CHRNE: variants seen among roughly 807,000 people sequenced by gnomAD.
CHRNE encodes cholinergic receptor nicotinic epsilon subunit.
Under a neutral mutation model 56.5 loss-of-function variants are expected in CHRNE, and 58 were observed. That is an observed-to-expected ratio of 1.03 (90% CI 0.83 to 1.28). The LOEUF (loss-of-function observed/expected upper bound fraction) is 1.28, where lower values mean the gene tolerates loss of function less well. Among genes scored for constraint, CHRNE ranks in the 50% most tolerant of loss-of-function variants. CHRNE has a pLI of 0.00. For synonymous variants in CHRNE, 385 were observed against 297.9 expected (o/e 1.29, Z -3.01); for missense variants, 793 against 688.9 (o/e 1.15, Z -1.69).
At position 4,900,233 on chromosome 17, in the gene CHRNE, G is replaced by A. The variant is rs1048138459; in HGVS notation, c.917+560C>T. On this transcript the variant is annotated intron_variant, in intron 8 of 11. Coordinates refer to ENST00000649488, the MANE Select transcript of CHRNE (RefSeq NM_000080.4). ...CCCCGCTAACCCCTGTGCCCCCAAT[G>A]CAGATCTCAGCCCTGTGGCTGCAGC... 47 of 1,547,140 alleles carry A rather than the reference G, an allele frequency of 3.0e-5. No homozygotes were observed. In the African/African-American group the frequency reaches 5.1e-4, roughly 17 times the overall value.
rs764599384 is a variant in CHRNE at position 4,901,195 on chromosome 17, G to C, written c.602-5C>G. The stretch of plus-strand genomic sequence containing the variant: ...CGATGGCCCACTCGCCGTTCTCTGC[G>C]GGACGGGGGCACGGTCAGCTGGCTG... On this transcript the variant is annotated splice_region_variant and splice_polypyrimidine_tract_variant and intron_variant, in intron 6 of 11. Coordinates refer to ENST00000649488, the MANE Select transcript of CHRNE (RefSeq NM_000080.4). 2 of 1,601,056 alleles carry C rather than the reference G, an allele frequency of 1.2e-6. No homozygotes were observed. The highest frequency in any genetic ancestry group is 3.3e-5 in the Admixed American group (2 of 59,900).
chr17:4,904,301 G>T (rs1183571529), upstream of CHRNE, among the ~76,000 whole-genome samples: 1 of 152,038 alleles, frequency 6.6e-6, no homozygotes, highest in Non-Finnish European at 1.5e-5. Context: ...GGGCTAAAGC[G>T]ATCCTCCTGC....
intron 5 of CHRNE, 137 bp downstream of exon 5, chr17:4,901,795 C>T (rs1369601040): frequency 1.5e-6 from 2 of 1,353,776 alleles, no homozygotes; most frequent in African/African-American, 1.4e-5. Context: ...CGCGCTGGAG[C>T]GTCCCACCCA....
chr17:4,900,511 G>C (rs904418775), intron 8 of CHRNE: 2 of 1,550,898 alleles, frequency 1.3e-6, no homozygotes, highest in Non-Finnish European at 8.7e-7. Flanking sequence ...GAACCGGTGA[G>C]CTCAGGACAC....
At chr17:4,899,157 G>A (rs1474114974) in intron 10 of CHRNE, 41 bp downstream of exon 10, 2 of 1,593,014 alleles carry the variant, frequency 1.3e-6, no homozygotes, top group Non-Finnish European at 8.5e-7. Flanking sequence ...CCCCTGGCAG[G>A]CACCCCGCGC....
upstream of CHRNE, among the ~76,000 whole-genome samples, chr17:4,906,707 T>A (rs535356482): frequency 3.7e-4 from 56 of 151,640 alleles, 1 homozygote; most frequent in South Asian, 0.012. Flanking sequence ...AATAAAATTT[T>A]AAAAAACAGA....
At position 4,898,567 on chromosome 17, in the gene CHRNE, C is replaced by T. The variant is rs1597611978; in HGVS notation, c.*169G>A. 12 of 872,122 alleles carry T rather than the reference C, an allele frequency of 1.4e-5. No individual in the cohort carries two copies. The highest frequency in any genetic ancestry group is 5.3e-5 in the East Asian group (2 of 37,466). 54.0% of individuals were successfully genotyped at this position (872,122 alleles called of 1,614,324 possible). On this transcript the variant is annotated 3_prime_UTR_variant, in exon 12 of 12. Transcript: ENST00000649488. ...TTTCCTCCTGCTGACCCCTGGACTG[C>T]GGCCAGGCCTACACACGCCAGGGAA...
At chr17:4,901,481 ACC>A (rs1331720309) in intron 6 of CHRNE, 42 bp downstream of exon 6, 46 of 1,578,328 alleles carry the variant, frequency 2.9e-5, no homozygotes, top group Non-Finnish European at 3.7e-5. Context: ...CCCTCTCTGG[ACC>A]CCGTCTAGAA....
rs1255594434 is a variant in CHRNE, at chr17:4,898,457, T to G, written c.*279A>C. On this transcript the variant is annotated 3_prime_UTR_variant, in exon 12 of 12. Coordinates refer to ENST00000649488, the MANE Select transcript of CHRNE (RefSeq NM_000080.4). ...ACCAGAGTCCCGTGGGGCTGAGCCT[T>G]AGAAAGGCTGGGAGGTCAGCAAGGC... The G allele has an allele frequency of 5.7e-6, 3 of 522,354 alleles. No homozygotes were observed. Among genetic ancestry groups the G allele is most frequent in the African/African-American group, 1.9e-5 (1 of 52,230 alleles). 32.4% of individuals were successfully genotyped at this position (522,354 alleles called of 1,614,324 possible).
In CHRNE at chr17:4,898,732, C is replaced by A. The variant is rs765189193; in HGVS notation, c.*4G>T. The A allele has an allele frequency of 2.5e-6, 4 of 1,608,666 alleles. No individual in the cohort carries two copies. The highest frequency in any genetic ancestry group is 3.4e-6 in the Non-Finnish European group (4 of 1,177,882). On this transcript the variant is annotated 3_prime_UTR_variant, in exon 12 of 12. Coordinates refer to ENST00000649488, the MANE Select transcript of CHRNE (RefSeq NM_000080.4). ...GATGGGTGGGAAATTGAAGTCGGTG[C>A]GAGCTAAGGCTGGATACACGGCGCG...
upstream of CHRNE, among the ~76,000 whole-genome samples, chr17:4,906,520 G>C (rs1970094187): frequency 6.6e-6 from 1 of 151,970 alleles, no homozygotes; most frequent in South Asian, 2.1e-4. Flanking sequence ...TCAAAAAGAG[G>C]GCAGAAGATT....
Position 4,898,811 on chromosome 17 carries a change from GC to G in CHRNE, c.1406del (p.Gly469AlafsTer38). 1 of 1,605,060 alleles carries G rather than the reference GC, an allele frequency of 6.2e-7. No individual in the cohort carries two copies. The highest frequency in any genetic ancestry group is 8.5e-7 in the Non-Finnish European group (1 of 1,176,454). ...AGGCCCCGAGGAAGATGAGGCTGGA[GC>G]CCACGCTGAAGAGCACCAGAGCGGC... ...FWAALVLFSV[G>X]SSLIFLGAYF... On this transcript the variant is annotated frameshift_variant, in exon 12 of 12. Coordinates refer to ENST00000649488, the MANE Select transcript of CHRNE (RefSeq NM_000080.4). LOFTEE classifies it high-confidence loss of function.
Position 4,902,964 on chromosome 17 carries a change from C to G in CHRNE, c.46+54G>C. On this transcript the variant is annotated intron_variant, in intron 1 of 11. Transcript: ENST00000649488. This position sits in a 1 kb window ranked among gnomAD's most constrained non-coding sequence, Gnocchi z 4.0. ...GGTCTCTGTCTTTGTCTTCCCAGTCCCTTCATGTCAGTATCTGTGTGTGTC... is the reference window on the plus strand; with the variant it reads ...GGTCTCTGTCTTTGTCTTCCCAGTCGCTTCATGTCAGTATCTGTGTGTGTC... The G allele has an allele frequency of 6.2e-7, 1 of 1,609,480 alleles. No homozygotes were observed. Among genetic ancestry groups the G allele is most frequent in the Non-Finnish European group, 8.5e-7 (1 of 1,175,946 alleles).
Position 4,900,920 on chromosome 17 carries a change from C to G in CHRNE, c.803-13G>C. 1 of 1,614,116 alleles carries G rather than the reference C, an allele frequency of 6.2e-7. No individual in the cohort carries two copies. Among genetic ancestry groups the G allele is most frequent in the Non-Finnish European group, 8.5e-7 (1 of 1,179,974 alleles). ...TTCTGGCCGCCGGCTGGAGGGAGAG[C>G]CAGTGAGAGCGGGCCCCGCCTCCCG... On this transcript the variant is annotated splice_polypyrimidine_tract_variant and intron_variant, in intron 7 of 11. Transcript: ENST00000649488.
chr17:4,899,621 C>T (rs1969888085), intron 8 of CHRNE, 39 bp from the exon 9 acceptor site: 2 of 1,501,968 alleles, frequency 1.3e-6, no homozygotes, highest in African/African-American at 2.8e-5. Flanking sequence ...CGTTCCTCCT[C>T]CCAGCTACCG....
rs1969973804 is a variant in CHRNE, at chr17:4,901,190, T to G, written c.602A>C (p.Glu201Ala). 6.2e-7 allele frequency: 1 copy of G among 1,602,158 alleles called. No homozygotes were observed. The highest frequency in any genetic ancestry group is 8.5e-7 in the Non-Finnish European group (1 of 1,178,154). Residue 201 changes from glutamate to alanine, a missense_variant and splice_region_variant, in exon 7 of 12, where the codon GAG becomes GCG. Glu to Ala is a moderately radical substitution (Grantham distance 107). Coordinates refer to ENST00000649488, the MANE Select transcript of CHRNE (RefSeq NM_000080.4). The stretch of plus-strand genomic sequence containing the variant: ...GAAGTCGATGGCCCACTCGCCGTTC[T>G]CTGCGGGACGGGGGCACGGTCAGCT... The part of the protein sequence containing the change: ...KIDIDTEAYT[E>A]NGEWAIDFCP...
rs753951775 is a variant in CHRNE at position 4,901,043 on chromosome 17, G to C, written c.749C>G (p.Pro250Arg). ...PLFYVINIIV[P>R]CVLISGLVLL... Reference sequence around the variant, plus strand: ...CACCAGGCCCGAGATGAGCACACAGGGCACGATGATGTTAATGACGTAGAA... The same window carrying C: ...CACCAGGCCCGAGATGAGCACACAGCGCACGATGATGTTAATGACGTAGAA... Residue 250 changes from proline to arginine, a missense_variant, in exon 7 of 12, where the codon CCC (proline) becomes CGC (arginine). By Grantham distance (103) the Pro-to-Arg change is moderately radical. Transcript: ENST00000649488. 6.2e-7 allele frequency: 1 copy of C among 1,613,914 alleles called. No homozygotes were observed. The highest frequency in any genetic ancestry group is 8.5e-7 in the Non-Finnish European group (1 of 1,179,970).
chr17:4,901,024 G>A lies in CHRNE; in HGVS notation c.768C>T (p.Gly256=), dbSNP rs372509633. 1.4e-4 allele frequency: 231 copies of A among 1,613,866 alleles called. No individual in the cohort carries two copies. Among genetic ancestry groups the A allele is most frequent in the Non-Finnish European group, 1.9e-4 (222 of 1,179,942 alleles). ...NIIVPCVLIS[G]LVLLAYFLPA... is the part of the protein sequence containing the mutation. ...GCAGGAAGTAGGCGAGCAGCACCAG[G>A]CCCGAGATGAGCACACAGGGCACGA... The change falls in exon 7 of 12, where the codon GGC becomes GGT. Residue 256 remains glycine (G), a synonymous_variant. Coordinates refer to ENST00000649488, the MANE Select transcript of CHRNE (RefSeq NM_000080.4).
intron 8 of CHRNE, chr17:4,900,541 AGGCGGCGGGGCTAGG>A: frequency 6.4e-7 from 1 of 1,550,588 alleles, no homozygotes; most frequent in Non-Finnish European, 8.7e-7. Flanking sequence ...TAGGGGCCAG[AGGCGGCGGGGCTAGG>A]GAGGCACTGA....
Sources: gnomAD v4.1 joint callset for allele counts (sites outside exome capture counted in the v4.1 genomes callset) on GRCh38, gnomAD v4.1.1 for gene constraint, Gnocchi (gnomAD v3.1) non-coding constraint, MANE v1.5 for transcripts, NCBI Gene and HGNC (gene_info 2026-07-23, HGNC 2026-07-21) for gene names.